SH3BGR: variants seen among roughly 807,000 people sequenced by gnomAD.
SH3BGR encodes the protein SH3 domain-binding glutamic acid-rich protein.
Under a neutral mutation model 24.5 loss-of-function variants are expected in SH3BGR, and 29 were observed. That is an observed-to-expected ratio of 1.18 (90% CI 0.88 to 1.61). SH3BGR has a LOEUF of 1.61. SH3BGR is among the 40% of genes most tolerant of loss of function. SH3BGR has a pLI of 0.00. For synonymous variants in SH3BGR, 55 were observed against 65.7 expected, an observed-to-expected ratio of 0.84 and a Z score of 0.79; for missense variants, 162 against 205.8, an observed-to-expected ratio of 0.79 and a Z score of 1.30.
intron 3 of SH3BGR, among the ~76,000 whole-genome samples, chr21:39,487,050 G>A (rs1381277000): frequency 6.6e-6 from 1 of 152,158 alleles, no homozygotes; most frequent in Non-Finnish European, 1.5e-5. Flanking sequence ...ATTTAGTCAG[G>A]GGAATATTAT....
intron 6 of SH3BGR, among the ~76,000 whole-genome samples, chr21:39,513,794 A>G (rs2078738036): frequency 1.3e-5 from 2 of 152,146 alleles, no homozygotes; most frequent in Admixed American, 6.5e-5. Context: ...AACAAAGCAA[A>G]ACCCACAGTA....
At chr21:39,483,923 G>A (rs1401148567) in intron 3 of SH3BGR, among the ~76,000 whole-genome samples, 1 of 152,164 alleles carries the variant, frequency 6.6e-6, no homozygotes, top group Non-Finnish European at 1.5e-5. Context: ...AGTGGAAAAA[G>A]ATAGTCAAGA....
intron 3 of SH3BGR, among the ~76,000 whole-genome samples, chr21:39,476,421 G>A (rs2078028650): frequency 1.3e-5 from 2 of 152,128 alleles, no homozygotes; most frequent in Non-Finnish European, 2.9e-5. Context: ...TAGACAGAGT[G>A]GTCTAAGGAG....
chr21:39,484,481 A>G (rs570478062), intron 3 of SH3BGR, among the ~76,000 whole-genome samples: 1 of 152,348 alleles, frequency 6.6e-6, no homozygotes, highest in East Asian at 1.9e-4. Context: ...GTATAAATCT[A>G]TTTCAGCCTC....
intron 4 of SH3BGR, among the ~76,000 whole-genome samples, chr21:39,502,598 A>G (rs1181777021): frequency 6.6e-6 from 1 of 152,178 alleles, no homozygotes; most frequent in Non-Finnish European, 1.5e-5. Flanking sequence ...TATCTGCTCC[A>G]TGTGCCCACC....
At chr21:39,460,491 A>T (rs963345779) in intron 1 of SH3BGR, among the ~76,000 whole-genome samples, 3 of 151,924 alleles carry the variant, frequency 2.0e-5, no homozygotes, top group Non-Finnish European at 4.4e-5. Context: ...AAACTAAAAA[A>T]TTTTTTTTGA....
chr21:39,478,486 G>A (rs1046966150), intron 3 of SH3BGR, among the ~76,000 whole-genome samples: 2 of 152,162 alleles, frequency 1.3e-5, no homozygotes, highest in African/African-American at 4.8e-5. Flanking sequence ...GAAGTTGTAC[G>A]ATGAGGTAGC....
chr21:39,497,587 T>C (rs1223036113), intron 3 of SH3BGR, among the ~76,000 whole-genome samples: 1 of 151,878 alleles, frequency 6.6e-6, no homozygotes, highest in Non-Finnish European at 1.5e-5. Context: ...AAATTTATAG[T>C]AAAGCACAAA....
intron 2 of SH3BGR, among the ~76,000 whole-genome samples, chr21:39,473,733 A>T (rs1040545018): frequency 4.6e-5 from 7 of 151,850 alleles, no homozygotes; most frequent in Admixed American, 3.9e-4. Flanking sequence ...AAAAATACAA[A>T]AATTAGCTGG....
intron 3 of SH3BGR, among the ~76,000 whole-genome samples, chr21:39,485,676 A>G (rs1179561579): frequency 6.7e-6 from 1 of 148,844 alleles, no homozygotes; most frequent in Non-Finnish European, 1.5e-5. Flanking sequence ...TATGGTCTCA[A>G]AGTTGTTTTC....
At chr21:39,448,613 G>C (rs754586520), upstream of SH3BGR, among the ~76,000 whole-genome samples, 33 of 152,142 alleles carry the variant, frequency 2.2e-4, no homozygotes, top group Non-Finnish European at 3.4e-4. Context: ...GAATGTGGGA[G>C]GTGGAGGTTG....
At chr21:39,480,102 G>A (rs1230071584) in intron 3 of SH3BGR, among the ~76,000 whole-genome samples, 1 of 151,876 alleles carries the variant, frequency 6.6e-6, no homozygotes, top group African/African-American at 2.4e-5. Flanking sequence ...TCCATATGTT[G>A]GTTAATTTAA....
chr21:39,497,442 A>G lies in SH3BGR; in HGVS notation c.313-2381A>G, dbSNP rs529185462. On this transcript the variant is annotated intron_variant, in intron 3 of 6. Transcript: ENST00000333634. The stretch of plus-strand genomic sequence containing the variant: ...AATAGAAGCATATTTTAGAGAATAA[A>G]AGTTAGATAAATTTGCCCATAAAAA... Among the ~76,000 whole-genome samples, 7 of 151,984 alleles carry G rather than the reference A, an allele frequency of 4.6e-5. No homozygotes were observed. In the South Asian group the frequency reaches 1.2e-3, roughly 27 times the overall value.
At chr21:39,475,733 A>C (rs1404125599) in intron 3 of SH3BGR, among the ~76,000 whole-genome samples, 1 of 152,206 alleles carries the variant, frequency 6.6e-6, no homozygotes, top group African/African-American at 2.4e-5. Flanking sequence ...GTGACGTCTC[A>C]TCTTTGATTA....
intron 1 of SH3BGR, among the ~76,000 whole-genome samples, chr21:39,446,822 C>T (rs1482557472): frequency 6.6e-6 from 1 of 152,132 alleles, no homozygotes; most frequent in African/African-American, 2.4e-5. Flanking sequence ...CTCAATTTGT[C>T]AGTTACCTTT....
intron 4 of SH3BGR, among the ~76,000 whole-genome samples, chr21:39,507,033 C>T (rs74589291): frequency 7.9e-5 from 12 of 152,286 alleles, no homozygotes; most frequent in Admixed American, 2.0e-4. Context: ...ATCAACACGT[C>T]GCTGTGAAAG....
At chr21:39,492,003 C>G (rs1041028996) in intron 3 of SH3BGR, 1 of 152,176 alleles carries the variant, frequency 6.6e-6, no homozygotes, top group Non-Finnish European at 1.5e-5. Flanking sequence ...TCCTTTTTAA[C>G]TTATCTATTG....
At chr21:39,446,376 G>T (rs1437156852) in intron 1 of SH3BGR, among the ~76,000 whole-genome samples, 1 of 151,892 alleles carries the variant, frequency 6.6e-6, no homozygotes, top group Non-Finnish European at 1.5e-5. Context: ...TTTTTTTCCT[G>T]CATCAAAGCC....
At chr21:39,501,915 A>G (rs1408319997) in intron 4 of SH3BGR, among the ~76,000 whole-genome samples, 2 of 152,240 alleles carry the variant, frequency 1.3e-5, no homozygotes, top group Non-Finnish European at 2.9e-5. Flanking sequence ...GCTCACGCCT[A>G]TAATCCCTGT....
Sources: gnomAD v4.1 joint callset for allele counts (sites outside exome capture counted in the v4.1 genomes callset) on GRCh38, gnomAD v4.1.1 for gene constraint, MANE v1.5 for transcripts, NCBI Gene and HGNC (gene_info 2026-07-23, HGNC 2026-07-21) for gene names.